TMEM132B: variants seen among roughly 807,000 people sequenced by gnomAD.
TMEM132B encodes transmembrane protein 132B.
A neutral mutation model predicts 90.8 loss-of-function variants in TMEM132B; 18 were observed. The observed-to-expected ratio is 0.20, with a 90% CI of 0.14 to 0.29. The LOEUF is 0.29. Ranked by LOEUF, TMEM132B falls within the 10% of genes least tolerant of loss-of-function variation. The probability of loss-of-function intolerance (pLI) is 1.00; values close to 1 mark genes in which losing one functional copy is unlikely to be tolerated. For missense variants in TMEM132B, 1,096 were observed against 1,326.8 expected (o/e 0.83, Z 2.70); for synonymous variants, 504 against 523.3 (o/e 0.96, Z 0.50).
At chr12:125,330,123 C>A (rs1366710989) in intron 1 of TMEM132B, among the ~76,000 whole-genome samples, 1 of 152,138 alleles carries the variant, frequency 6.6e-6, no homozygotes, top group Non-Finnish European at 1.5e-5. Context: ...GGTGTGGGTG[C>A]GTCCCCGCTT....
chr12:125,539,985 T>A (rs935098467), intron 4 of TMEM132B, among the ~76,000 whole-genome samples: 24 of 152,316 alleles, frequency 1.6e-4, no homozygotes, highest in African/African-American at 5.3e-4. Context: ...TGCTATAAAT[T>A]TTCCCCTAAG....
chr12:125,299,652 C>A (rs541233441), intron 1 of TMEM132B, among the ~76,000 whole-genome samples: 1 of 152,220 alleles, frequency 6.6e-6, no homozygotes. Context: ...AGACCCAAAG[C>A]CCTGGGGCCA....
intron 5 of TMEM132B, among the ~76,000 whole-genome samples, chr12:125,618,448 G>A (rs1886041234): frequency 1.3e-5 from 2 of 152,202 alleles, no homozygotes; most frequent in Non-Finnish European, 2.9e-5. Context: ...GCTACACCTG[G>A]CGTATGGGGG....
At chr12:125,641,313 T>C (rs1886625261) in intron 5 of TMEM132B, among the ~76,000 whole-genome samples, 1 of 152,178 alleles carries the variant, frequency 6.6e-6, no homozygotes, top group Admixed American at 6.5e-5. Flanking sequence ...CAAATAACTT[T>C]TAGGGAGTAG....
At chr12:125,297,766 G>A (rs1875708261) in intron 1 of TMEM132B, among the ~76,000 whole-genome samples, 1 of 152,128 alleles carries the variant, frequency 6.6e-6, no homozygotes, top group Admixed American at 6.5e-5. Context: ...AACAGGGACA[G>A]GATCTTCTAG....
chr12:125,307,984 G>A (rs2136172862), intron 1 of TMEM132B, among the ~76,000 whole-genome samples: 1 of 129,584 alleles, frequency 7.7e-6, no homozygotes, highest in Non-Finnish European at 1.6e-5. Flanking sequence ...AGTATATTAA[G>A]TAATATAAAT....
rs374723259 is a variant in TMEM132B at position 125,514,585 on chromosome 12, T to C, written c.1107-4854T>C. ...TCTTGTCCCATTTTTAGAATTCCCA[T>C]GTGGGGAAAGTGTTACCATCTCTGC... On this transcript the variant is annotated intron_variant, in intron 3 of 8. Coordinates refer to ENST00000682704, the MANE Select transcript of TMEM132B (RefSeq NM_001366854.1). Among the ~76,000 whole-genome samples the C allele has an allele frequency of 8.1e-4, 124 of 152,358 alleles. 1 individual carries two copies. The South Asian group carries it at 0.025, about 31-fold the overall frequency.
intron 3 of TMEM132B, among the ~76,000 whole-genome samples, chr12:125,506,095 T>C (rs1882842194): frequency 6.6e-6 from 1 of 152,230 alleles, no homozygotes; most frequent in Admixed American, 6.5e-5. Context: ...ATTTTCAGTC[T>C]AGCCAAGAAC....
At chr12:125,482,318 A>C (rs1234603956) in intron 3 of TMEM132B, among the ~76,000 whole-genome samples, 1 of 152,228 alleles carries the variant, frequency 6.6e-6, no homozygotes, top group African/African-American at 2.4e-5. Flanking sequence ...TGAACAGGCA[A>C]CCTACAGAAT....
intron 3 of TMEM132B, among the ~76,000 whole-genome samples, chr12:125,515,656 T>A (rs1322829951): frequency 6.8e-6 from 1 of 147,906 alleles, no homozygotes; most frequent in African/African-American, 2.5e-5. Flanking sequence ...TCACACCCCC[T>A]TCACACATTC....
chr12:125,307,192 T>G (rs1453213907), intron 1 of TMEM132B, among the ~76,000 whole-genome samples: 1 of 152,232 alleles, frequency 6.6e-6, no homozygotes, highest in Non-Finnish European at 1.5e-5. Context: ...CATGTTATTA[T>G]TTATTTCATT....
intron 3 of TMEM132B, among the ~76,000 whole-genome samples, chr12:125,423,993 A>G (rs186134395): frequency 3.9e-5 from 6 of 152,264 alleles, no homozygotes; most frequent in Non-Finnish European, 8.8e-5. Context: ...CACATAAACA[A>G]TTTTTTCCAA....
At chr12:125,637,187 G>A (rs926150206) in intron 5 of TMEM132B, among the ~76,000 whole-genome samples, 3 of 152,160 alleles carry the variant, frequency 2.0e-5, no homozygotes, top group African/African-American at 4.8e-5. Context: ...AGTTGAAACT[G>A]GGGATCTGGC....
chr12:125,383,230 A>T (rs1165260374), intron 2 of TMEM132B, among the ~76,000 whole-genome samples: 2 of 152,216 alleles, frequency 1.3e-5, no homozygotes, highest in African/African-American at 2.4e-5. Context: ...TGTGGAAGTC[A>T]GTGACAGCCC....
rs1161598555 is a variant in TMEM132B at position 125,209,045 on chromosome 12, C to T, written c.67+22179C>T. 6.6e-6 allele frequency among the ~76,000 whole-genome samples: 1 copy of T among 152,158 alleles called. No individual in the cohort carries two copies. Among genetic ancestry groups the T allele is most frequent in the Non-Finnish European group, 1.5e-5 (1 of 68,030 alleles). On this transcript the variant is annotated intron_variant, in intron 1 of 8. Transcript: ENST00000682704. This position sits in a 1 kb window ranked among gnomAD's most constrained non-coding sequence, Gnocchi z 4.4. ...AACTGAGCCCGGGGTTATTGATTTA[C>T]AGGAGGCAGATTATGTTTGGGAAAT...
intron 1 of TMEM132B, among the ~76,000 whole-genome samples, chr12:125,261,957 A>C (rs1343699423): frequency 6.6e-6 from 1 of 152,156 alleles, no homozygotes; most frequent in Non-Finnish European, 1.5e-5. Context: ...CGGCCTCCCA[A>C]AGTGCTTGGG....
intron 3 of TMEM132B, among the ~76,000 whole-genome samples, chr12:125,484,671 C>T (rs1882154074): frequency 6.6e-6 from 1 of 152,044 alleles, no homozygotes. Flanking sequence ...TGCTTTGTCA[C>T]CCAGGCTGGA....
At chr12:125,194,347 T>G (rs1261830786) in intron 1 of TMEM132B, among the ~76,000 whole-genome samples, 4 of 151,980 alleles carry the variant, frequency 2.6e-5, no homozygotes, top group Non-Finnish European at 5.9e-5. Context: ...CAGTAAATCA[T>G]GCCTCAGATG....
chr12:125,461,322 C>T (rs1021260864), intron 3 of TMEM132B, among the ~76,000 whole-genome samples: 1 of 152,092 alleles, frequency 6.6e-6, no homozygotes, highest in African/African-American at 2.4e-5. Context: ...ATCACAGGTA[C>T]TGAGACTGAA....
Sources: allele counts gnomAD v4.1 joint callset (sites outside exome capture counted in the v4.1 genomes callset), GRCh38; gene constraint gnomAD v4.1.1; non-coding constraint Gnocchi (gnomAD v3.1); transcripts MANE v1.5; gene names NCBI Gene and HGNC (gene_info 2026-07-23, HGNC 2026-07-21).